PRKDC: variants seen among roughly 807,000 people sequenced by gnomAD.
PRKDC encodes the protein protein kinase, DNA-activated, catalytic subunit.
In PRKDC, 82 loss-of-function variants were observed where a neutral mutation model predicts 486.9. The observed-to-expected ratio is 0.17, with a 90% CI of 0.14 to 0.20. The LOEUF is 0.20. Ranked by LOEUF, PRKDC falls within the 10% of genes least tolerant of loss-of-function variation. The pLI, the probability that PRKDC is intolerant of heterozygous loss-of-function variation, is 1.00. For missense variants in PRKDC, 4,504 were observed against 5,038.2 expected, an observed-to-expected ratio of 0.89 and a Z score of 3.21; for synonymous variants, 1,895 against 1,837.0, an observed-to-expected ratio of 1.03 and a Z score of -0.81.
chr8:47,948,119 C>T (rs1336484326), intron 7 of PRKDC, among the ~76,000 whole-genome samples: 3 of 151,326 alleles, frequency 2.0e-5, no homozygotes, highest in Non-Finnish European at 2.9e-5. Flanking sequence ...CACACACACA[C>T]ACACACGCGT....
At chr8:47,928,738 C>T (rs188849945) in intron 19 of PRKDC, among the ~76,000 whole-genome samples, 10 of 152,016 alleles carry the variant, frequency 6.6e-5, no homozygotes, top group Admixed American at 4.6e-4. Context: ...GCCTGGAGTA[C>T]AGTAGTGCAA....
At position 47,824,834 on chromosome 8, in the gene PRKDC, C is replaced by A. The variant is rs562153740; in HGVS notation, c.8784-838G>T. Among the ~76,000 whole-genome samples, 109 of 152,266 alleles carry A rather than the reference C, an allele frequency of 7.2e-4. No homozygotes were observed. In the South Asian group the frequency reaches 0.011, roughly 15 times the overall value. On this transcript the variant is annotated intron_variant, in intron 63 of 85. Coordinates refer to ENST00000314191, the MANE Select transcript of PRKDC (RefSeq NM_006904.7). ...AGGAAATTTCTTTCCATCTTGCAGT[C>A]TCAACCCAAATGTTATTTCTTCCTA...
chr8:47,840,289 TATA>T lies in PRKDC; in HGVS notation c.7281-103_7281-101del, dbSNP rs2088111218. 5 of 878,372 alleles carry T rather than the reference TATA, an allele frequency of 5.7e-6. No homozygotes were observed. The African/African-American group carries it at 8.5e-5, about 15-fold the overall frequency. The allele number at this position is 878,372 out of a possible 1,614,324, so 54.4% of individuals were successfully genotyped here. On this transcript the variant is annotated intron_variant, in intron 54 of 85. Transcript: ENST00000314191. ...TTTTCTTCTTTGTTTCAAAATTAGT[TATA>T]ATAGATAACGCTACACTTATATAAA...
chr8:47,928,665 C>T (rs1380492415), intron 19 of PRKDC, among the ~76,000 whole-genome samples: 1 of 151,746 alleles, frequency 6.6e-6, no homozygotes, highest in Non-Finnish European at 1.5e-5. Context: ...CGATTCTCCT[C>T]CCCCAGCCTC....
In PRKDC at chr8:47,854,505, A is replaced by AT. The variant is rs1375679636; in HGVS notation, c.6762-292dup. Among the ~76,000 whole-genome samples the AT allele has an allele frequency of 7.6e-4, 115 of 152,100 alleles. 1 individual carries two copies. The highest frequency in any genetic ancestry group is 2.7e-3 in the African/African-American group (110 of 41,498). ...AGACGCCCGCCACCACACCTGGCTA[A>AT]TTTTTTGTATTTTTTTAGTAGAGAC... On this transcript the variant is annotated intron_variant, in intron 50 of 85. Coordinates refer to ENST00000314191, the MANE Select transcript of PRKDC (RefSeq NM_006904.7).
At chr8:47,838,943 GTTATTT>G (rs1159693028) in intron 56 of PRKDC, among the ~76,000 whole-genome samples, 199 bp downstream of exon 56, 1 of 152,176 alleles carries the variant, frequency 6.6e-6, no homozygotes, top group African/African-American at 2.4e-5. Flanking sequence ...TTTCAAGAGT[GTTATTT>G]TTAAGTTGTC....
chr8:47,819,454 A>G lies in PRKDC; in HGVS notation c.9393T>C (p.Ser3131=). 1 of 1,567,212 alleles carries G rather than the reference A, an allele frequency of 6.4e-7. No homozygotes were observed. The highest frequency in any genetic ancestry group is 1.2e-5 in the South Asian group (1 of 80,032). Residue 3131 remains serine (S), a synonymous_variant, in exon 67 of 86, where the codon TCT becomes TCC. Coordinates refer to ENST00000314191, the MANE Select transcript of PRKDC (RefSeq NM_006904.7). Reference sequence around the variant, plus strand: ...CCTGAATTTCTGTTAAAGCCTGTACAGACTGCAATTTGGTGAGTCTACTTT... The same window carrying G: ...CCTGAATTTCTGTTAAAGCCTGTACGGACTGCAATTTGGTGAGTCTACTTT... ...LHQSRLTKLQ[S]VQALTEIQEF...
intron 74 of PRKDC, among the ~76,000 whole-genome samples, chr8:47,793,888 C>T (rs761863926): frequency 3.3e-5 from 5 of 152,142 alleles, no homozygotes; most frequent in South Asian, 2.1e-4. Flanking sequence ...CACTCATCAT[C>T]GGTCTCAACT....
Position 47,935,022 on chromosome 8 carries a change from A to G in PRKDC, c.1484T>C (p.Val495Ala). 6.6e-7 allele frequency: 1 copy of G among 1,525,458 alleles called. No individual in the cohort carries two copies. Among genetic ancestry groups the G allele is most frequent in the East Asian group, 2.4e-5 (1 of 40,910 alleles). 94.5% of individuals were successfully genotyped at this position (1,525,458 alleles called of 1,614,324 possible). A position where few individuals can be genotyped will look rare whatever the true frequency, so the allele number is the denominator to read the frequency against. ...QGLIRICSKP[V>A]VLPKGPESES... is the part of the protein sequence containing the mutation. ...TTCAGAATTTACCTTTGGAAGGACC[A>G]CTGGTTTAGAACATATTCTGATTAA... is the stretch of plus-strand genomic sequence containing the variant. Residue 495 changes from valine (V) to alanine (A), a missense_variant, in exon 14 of 86, where the codon GTG (valine) becomes GCG (alanine). Val to Ala is a moderately conservative substitution (Grantham distance 64). Coordinates refer to ENST00000314191, the MANE Select transcript of PRKDC (RefSeq NM_006904.7).
intron 68 of PRKDC, among the ~76,000 whole-genome samples, chr8:47,813,592 G>A (rs1160403504): frequency 5.4e-5 from 8 of 148,864 alleles, no homozygotes; most frequent in Admixed American, 1.3e-4. Context: ...TTTTTCCTTT[G>A]GAGACGGAGT....
chr8:47,954,514 G>C (rs1264314950), intron 4 of PRKDC, 68 bp from the exon 5 acceptor site: 1 of 568,904 alleles, frequency 1.8e-6, no homozygotes, highest in Admixed American at 3.9e-5. Context: ...ATACAAATTA[G>C]CATTCTCTCT....
chr8:47,832,118 A>C (rs570485916), intron 59 of PRKDC, among the ~76,000 whole-genome samples, 192 bp from the exon 60 acceptor site: 1 of 152,328 alleles, frequency 6.6e-6, no homozygotes, highest in East Asian at 1.9e-4. Flanking sequence ...ATGAGCGCTG[A>C]ACGGGCCAGG....
intron 11 of PRKDC, among the ~76,000 whole-genome samples, chr8:47,936,877 A>T (rs1041538017): frequency 2.7e-5 from 4 of 148,558 alleles, no homozygotes; most frequent in Non-Finnish European, 4.4e-5. Flanking sequence ...TGCCCACCTC[A>T]GCCTCCCAAA....
chr8:47,821,362 G>A (rs1186647670), intron 65 of PRKDC, among the ~76,000 whole-genome samples: 2 of 152,156 alleles, frequency 1.3e-5, no homozygotes, highest in Non-Finnish European at 2.9e-5. Context: ...ATGCTCCTAT[G>A]TAGTCATACT....
At chr8:47,899,141 T>G (rs912083018) in intron 28 of PRKDC, among the ~76,000 whole-genome samples, 2 of 152,214 alleles carry the variant, frequency 1.3e-5, no homozygotes, top group Admixed American at 6.5e-5. Context: ...TATTTTGACC[T>G]GTGTCACCAA....
Position 47,888,628 on chromosome 8 carries a change from TGAC to T in PRKDC, c.4300_4302del (p.Val1434del). On this transcript the variant is annotated inframe_deletion, in exon 34 of 86. Coordinates refer to ENST00000314191, the MANE Select transcript of PRKDC (RefSeq NM_006904.7). Reference sequence around the variant, plus strand: ...ACTTGCGCGTCAGGGCCATACAAGTTGACGGCACAAAGCTCCTCAATGCTGGCC... The same window carrying T: ...ACTTGCGCGTCAGGGCCATACAAGTTGGCACAAAGCTCCTCAATGCTGGCC... 3.8e-6 allele frequency: 6 copies of T among 1,593,254 alleles called. No individual in the cohort carries two copies. Among genetic ancestry groups the T allele is most frequent in the Non-Finnish European group, 5.1e-6 (6 of 1,170,228 alleles).
intron 24 of PRKDC, among the ~76,000 whole-genome samples, chr8:47,913,029 C>T (rs2089930803): frequency 6.6e-6 from 1 of 152,172 alleles, no homozygotes; most frequent in Non-Finnish European, 1.5e-5. Context: ...CTCAATTCTT[C>T]CAACAGCATG....
At chr8:47,793,805 TGATG>T (rs2086928033) in intron 74 of PRKDC, among the ~76,000 whole-genome samples, 2 of 151,450 alleles carry the variant, frequency 1.3e-5, no homozygotes, top group Non-Finnish European at 2.9e-5. Context: ...CAAAACCTCA[TGATG>T]GAGAATGTCA....
At chr8:47,954,282 A>G in intron 5 of PRKDC, 56 bp downstream of exon 5, 1 of 747,456 alleles carries the variant, frequency 1.3e-6, no homozygotes, top group African/African-American at 1.8e-5. Context: ...TATGCTAATA[A>G]TTTGTTAATA....
Sources: allele counts gnomAD v4.1 joint callset (sites outside exome capture counted in the v4.1 genomes callset), GRCh38; gene constraint gnomAD v4.1.1; transcripts MANE v1.5; gene names NCBI Gene and HGNC (gene_info 2026-07-23, HGNC 2026-07-21).